The following MED13L variants were observed in gnomAD, a reference collection of about 807,000 sequenced individuals.
The protein encoded by MED13L is mediator complex subunit 13L, also known as mediator of RNA polymerase II transcription subunit 13-like.
Under a neutral mutation model 220.9 loss-of-function variants are expected in MED13L, and 7 were observed. That is an observed-to-expected ratio of 0.03 (90% CI 0.02 to 0.06). The LOEUF is 0.06. MED13L is among the 10% of genes least tolerant of loss of function. The pLI is 1.00. For synonymous variants in MED13L, 1,011 were observed against 1,015.2 expected (o/e 1.00, Z 0.08); for missense variants, 1,965 against 2,760.5 (o/e 0.71, Z 6.46).
chr12:116,095,335 T>G (rs563609105), intron 4 of MED13L, among the ~76,000 whole-genome samples: 1 of 152,180 alleles, frequency 6.6e-6, no homozygotes. Context: ...TTAAAGGATT[T>G]TGAATGTACT....
chr12:115,986,771 C>G (rs1182132327), intron 18 of MED13L, among the ~76,000 whole-genome samples: 1 of 152,130 alleles, frequency 6.6e-6, no homozygotes, highest in Non-Finnish European at 1.5e-5. Context: ...TCATTTCCTT[C>G]AAGATAAGCA....
intron 8 of MED13L, among the ~76,000 whole-genome samples, chr12:116,013,738 A>T (rs1285779217): frequency 6.6e-6 from 1 of 152,216 alleles, no homozygotes; most frequent in Non-Finnish European, 1.5e-5. Flanking sequence ...AATAACAATA[A>T]GGGGCAATAT....
intron 3 of MED13L, among the ~76,000 whole-genome samples, chr12:116,105,009 T>C (rs1395717527): frequency 6.6e-6 from 1 of 152,218 alleles, no homozygotes; most frequent in Non-Finnish European, 1.5e-5. Context: ...TACTTTATTT[T>C]GATAGAGTTA....
At chr12:116,094,658 A>T (rs906976779) in intron 4 of MED13L, among the ~76,000 whole-genome samples, 4 of 152,156 alleles carry the variant, frequency 2.6e-5, no homozygotes, top group African/African-American at 9.7e-5. Context: ...TATGGTCTAA[A>T]GCTATTTTAT....
chr12:115,978,563 G>A lies in MED13L; in HGVS notation c.5364+2187C>T, dbSNP rs188704494. Among the ~76,000 whole-genome samples, 1,384 of 152,188 alleles carry A rather than the reference G, an allele frequency of 9.1e-3. 78 individuals carry two copies. The highest frequency in any genetic ancestry group is 0.082 in the Admixed American group (1,260 of 15,286). ...GCTGGTCTCGAACTCCTGACCTCAG[G>A]TGACCCGCCAGCCTCAGCCTCCCAA... is the stretch of plus-strand genomic sequence containing the variant. On this transcript the variant is annotated intron_variant, in intron 23 of 30. Transcript: ENST00000281928.
chr12:116,269,552 A>C (rs1362963280), intron 1 of MED13L, among the ~76,000 whole-genome samples: 1 of 150,378 alleles, frequency 6.6e-6, no homozygotes, highest in African/African-American at 2.4e-5. Flanking sequence ...GGAGGCAGGG[A>C]GCAGCGGCTC....
chr12:116,197,855 T>C (rs1480539690), intron 2 of MED13L, among the ~76,000 whole-genome samples: 1 of 152,202 alleles, frequency 6.6e-6, no homozygotes, highest in Non-Finnish European at 1.5e-5. Flanking sequence ...CTTTATGATT[T>C]TTTAATCAAA....
In MED13L at chr12:116,054,967, T is replaced by C. The variant is rs139667178; in HGVS notation, c.480-32366A>G. 4.9e-3 allele frequency among the ~76,000 whole-genome samples: 743 copies of C among 152,270 alleles called. 5 individuals carry two copies. Among genetic ancestry groups the C allele is most frequent in the African/African-American group, 0.017 (716 of 41,522 alleles). The stretch of plus-strand genomic sequence containing the variant: ...CACAGAATACATAAATTGTGGTATA[T>C]TAACATGCAAGGGATTAAATAAAAA... On this transcript the variant is annotated intron_variant, in intron 4 of 30. Transcript: ENST00000281928.
chr12:116,252,109 C>T (rs1871616546), intron 1 of MED13L, among the ~76,000 whole-genome samples: 1 of 152,002 alleles, frequency 6.6e-6, no homozygotes, highest in African/African-American at 2.4e-5. Context: ...CAATAGGCCT[C>T]CTCTCAGCAA....
At chr12:116,104,935 ACT>A (rs1455386636) in intron 3 of MED13L, among the ~76,000 whole-genome samples, 1 of 151,630 alleles carries the variant, frequency 6.6e-6, no homozygotes, top group East Asian at 1.9e-4. Context: ...AATAAGAAAA[ACT>A]CTTTTAAGTT....
intron 29 of MED13L, 125 bp downstream of exon 29, chr12:115,965,957 T>C (rs953814125): frequency 8.2e-7 from 1 of 1,214,588 alleles, no homozygotes; most frequent in Admixed American, 1.9e-5. Flanking sequence ...AGAGTATAAG[T>C]AGATACAAGA....
At chr12:116,179,204 C>CGTGTGTGTGTGTGTGT (rs60501771) in intron 2 of MED13L, among the ~76,000 whole-genome samples, 1 of 148,096 alleles carries the variant, frequency 6.8e-6, no homozygotes, top group South Asian at 2.2e-4. Context: ...TGACGATTTA[C>CGTGTGTGTGTGTGTGT]GTGTGTGTGT....
At chr12:115,964,352 G>A (rs1290208865) in intron 29 of MED13L, among the ~76,000 whole-genome samples, 1 of 152,090 alleles carries the variant, frequency 6.6e-6, no homozygotes, top group African/African-American at 2.4e-5. Context: ...ATCTGTACAT[G>A]ACAAATGATT....
chr12:116,009,220 T>C, intron 9 of MED13L, 88 bp from the exon 10 acceptor site: 1 of 1,325,826 alleles, frequency 7.5e-7, no homozygotes, highest in East Asian at 2.4e-5. Context: ...ATACATTAGA[T>C]GTACTAATAC....
At chr12:116,134,241 G>A (rs762626253) in intron 2 of MED13L, among the ~76,000 whole-genome samples, 5 of 152,168 alleles carry the variant, frequency 3.3e-5, no homozygotes, top group East Asian at 1.9e-4. Flanking sequence ...TAATCTGGAT[G>A]ATTAGTGTTG....
intron 4 of MED13L, among the ~76,000 whole-genome samples, chr12:116,061,170 T>C (rs987281712): frequency 3.3e-5 from 5 of 152,162 alleles, no homozygotes; most frequent in African/African-American, 1.2e-4. Flanking sequence ...ACTGGGTGGG[T>C]AGAGGACAAG....
At chr12:116,159,946 A>T (rs765789153) in intron 2 of MED13L, among the ~76,000 whole-genome samples, 14 of 152,212 alleles carry the variant, frequency 9.2e-5, no homozygotes, top group Non-Finnish European at 1.5e-4. Context: ...TGTACATTTC[A>T]TTAAAATTTC....
At chr12:116,011,102 G>A (rs984724946) in intron 9 of MED13L, among the ~76,000 whole-genome samples, 2 of 151,864 alleles carry the variant, frequency 1.3e-5, no homozygotes, top group Admixed American at 6.6e-5. Context: ...GGTCAGGCTG[G>A]TCTCGAACTC....
At chr12:116,229,053 A>C (rs1424476445) in intron 2 of MED13L, among the ~76,000 whole-genome samples, 1 of 152,166 alleles carries the variant, frequency 6.6e-6, no homozygotes, top group Non-Finnish European at 1.5e-5. Context: ...CTGGGATTAC[A>C]GGCATGAGCC....
Sources: gnomAD v4.1 joint callset for allele counts (sites outside exome capture counted in the v4.1 genomes callset) on GRCh38, gnomAD v4.1.1 for gene constraint, MANE v1.5 for transcripts, NCBI Gene and HGNC (gene_info 2026-07-23, HGNC 2026-07-21) for gene names.